Variants in MYO3A observed in about 807,000 individuals in gnomAD.
The protein encoded by MYO3A is myosin-IIIa.
Under a neutral mutation model 192.7 loss-of-function variants are expected in MYO3A, and 180 were observed. That is an observed-to-expected ratio of 0.93 (90% CI 0.83 to 1.06). The LOEUF (loss-of-function observed/expected upper bound fraction) is 1.06. MYO3A is among the 50% of genes least tolerant of loss of function. MYO3A has a pLI of 0.00. For missense variants in MYO3A, 1,896 were observed against 1,905.0 expected (o/e 1.00, Z 0.09); for synonymous variants, 628 against 645.3 (o/e 0.97, Z 0.41).
intron 4 of MYO3A, among the ~76,000 whole-genome samples, chr10:25,969,999 A>G (rs140669697): frequency 6.6e-6 from 1 of 152,294 alleles, no homozygotes; most frequent in East Asian, 1.9e-4. Context: ...CAATTCATCA[A>G]GAGGAGAAAA....
intron 32 of MYO3A, among the ~76,000 whole-genome samples, chr10:26,195,363 T>G (rs949783547): frequency 6.6e-6 from 1 of 152,234 alleles, no homozygotes; most frequent in Non-Finnish European, 1.5e-5. Context: ...GCATGTCTTG[T>G]CAGTAGTTCT....
chr10:26,155,331 AGCATAGG>A (rs1322130939), intron 25 of MYO3A, among the ~76,000 whole-genome samples: 1 of 152,232 alleles, frequency 6.6e-6, no homozygotes, highest in East Asian at 1.9e-4. Flanking sequence ...GAGTGTGCTT[AGCATAGG>A]ATCAAGGCGA....
intron 32 of MYO3A, among the ~76,000 whole-genome samples, chr10:26,197,489 G>A (rs1843468773): frequency 6.6e-6 from 1 of 152,156 alleles, no homozygotes. Flanking sequence ...CCATGGCTAA[G>A]GCAGCACCCA....
chr10:25,995,796 CA>C (rs1368438952), intron 4 of MYO3A, among the ~76,000 whole-genome samples: 2 of 152,230 alleles, frequency 1.3e-5, no homozygotes, highest in African/African-American at 4.8e-5. Flanking sequence ...TGGGTATCAG[CA>C]GCGGAGGCTG....
intron 4 of MYO3A, among the ~76,000 whole-genome samples, chr10:25,966,252 C>T (rs560461104): frequency 6.6e-5 from 10 of 152,096 alleles, no homozygotes; most frequent in East Asian, 1.9e-4. Flanking sequence ...TACGTGTGTG[C>T]GTAAGTTTAC....
chr10:26,006,408 C>CA (rs1428978272), intron 6 of MYO3A, among the ~76,000 whole-genome samples: 1 of 152,010 alleles, frequency 6.6e-6, no homozygotes, highest in African/African-American at 2.4e-5. Context: ...AATAGAGACA[C>CA]AAAAAACCCT....
At chr10:26,145,357 A>T in intron 21 of MYO3A, 89 bp from the exon 22 acceptor site, 1 of 891,190 alleles carries the variant, frequency 1.1e-6, no homozygotes. Context: ...TGTTCACTGC[A>T]CATTGTCCTT....
intron 4 of MYO3A, among the ~76,000 whole-genome samples, chr10:25,967,154 C>T (rs562783060): frequency 3.3e-5 from 5 of 152,292 alleles, no homozygotes; most frequent in East Asian, 1.9e-4. Flanking sequence ...AGATTATCTA[C>T]ACAATCTAAA....
intron 2 of MYO3A, among the ~76,000 whole-genome samples, chr10:25,950,207 G>A (rs946542149): frequency 2.6e-5 from 4 of 152,148 alleles, no homozygotes; most frequent in Non-Finnish European, 5.9e-5. Flanking sequence ...AGGACAAACA[G>A]CAGTTACCCC....
intron 26 of MYO3A, among the ~76,000 whole-genome samples, chr10:26,161,811 T>C (rs1841496806): frequency 6.6e-6 from 1 of 152,206 alleles, no homozygotes; most frequent in Non-Finnish European, 1.5e-5. Context: ...CAAAATTACC[T>C]ATGACCTATA....
chr10:26,082,755 T>TC (rs1836046269), intron 14 of MYO3A, among the ~76,000 whole-genome samples: 1 of 115,726 alleles, frequency 8.6e-6, no homozygotes, highest in African/African-American at 2.8e-5. Flanking sequence ...TCTCTCTCTT[T>TC]TTCTCTCTCT....
rs558710004 is a variant in MYO3A at position 26,108,591 on chromosome 10, T to C, written c.1776+11909T>C. Among the ~76,000 whole-genome samples the C allele has an allele frequency of 6.6e-5, 10 of 152,336 alleles. No individual in the cohort carries two copies. In the South Asian group the frequency reaches 2.1e-3, roughly 32 times the overall value. On this transcript the variant is annotated intron_variant, in intron 17 of 34. Coordinates refer to ENST00000642920, the MANE Select transcript of MYO3A (RefSeq NM_017433.5). ...GACTCCCTTCTAAAATGGAAGACTA[T>C]CAGCAATAACTTTAGTTCCATGATC...
At chr10:26,164,661 G>A (rs552260319) in intron 26 of MYO3A, among the ~76,000 whole-genome samples, 23 of 152,284 alleles carry the variant, frequency 1.5e-4, no homozygotes, top group African/African-American at 5.5e-4. Context: ...TCCACAGGGA[G>A]CCGACTGTGA....
intron 14 of MYO3A, among the ~76,000 whole-genome samples, chr10:26,082,048 T>C (rs1034497841): frequency 5.9e-5 from 9 of 152,220 alleles, no homozygotes; most frequent in African/African-American, 2.2e-4. Flanking sequence ...CACGCTGCTC[T>C]TTCTGGAGCT....
chr10:26,094,713 C>T (rs950052738), intron 15 of MYO3A, among the ~76,000 whole-genome samples: 3 of 152,084 alleles, frequency 2.0e-5, no homozygotes, highest in East Asian at 3.9e-4. Flanking sequence ...CGTGAGCCAC[C>T]GCACGCGGCA....
At chr10:26,139,241 A>G (rs1023926442) in intron 20 of MYO3A, among the ~76,000 whole-genome samples, 1 of 152,080 alleles carries the variant, frequency 6.6e-6, no homozygotes, top group African/African-American at 2.4e-5. Flanking sequence ...GATTAAAAAT[A>G]TATATATTTT....
intron 31 of MYO3A, among the ~76,000 whole-genome samples, chr10:26,189,127 C>T (rs1459567863): frequency 6.6e-6 from 1 of 152,168 alleles, no homozygotes; most frequent in Non-Finnish European, 1.5e-5. Context: ...ATTTCATGCT[C>T]ATGGGTAGGA....
At chr10:25,946,176 A>C (rs1197614123) in intron 2 of MYO3A, among the ~76,000 whole-genome samples, 1 of 152,212 alleles carries the variant, frequency 6.6e-6, no homozygotes, top group Non-Finnish European at 1.5e-5. Context: ...AATTACTTTT[A>C]CTGGAGAACT....
chr10:26,079,570 T>G (rs7073092), intron 14 of MYO3A, among the ~76,000 whole-genome samples: 1,717 of 152,216 alleles, frequency 0.011, 35 homozygotes, highest in African/African-American at 0.037. Context: ...TTTGATTTTG[T>G]TTTTTTGTTT....
Sources: allele counts gnomAD v4.1 joint callset (sites outside exome capture counted in the v4.1 genomes callset), GRCh38; gene constraint gnomAD v4.1.1; transcripts MANE v1.5; gene names NCBI Gene and HGNC (gene_info 2026-07-23, HGNC 2026-07-21).